Variants in NCAPD3 observed in about 807,000 individuals in gnomAD.
The protein encoded by NCAPD3 is condensin-2 complex subunit D3.
In NCAPD3, 105 loss-of-function variants were observed where a neutral mutation model predicts 182.9. The observed-to-expected ratio is 0.57, with a 90% CI of 0.49 to 0.68. The LOEUF (loss-of-function observed/expected upper bound fraction) is 0.68, where lower values mean the gene tolerates loss of function less well. NCAPD3 is among the 30% of genes least tolerant of loss of function. The pLI, the probability that NCAPD3 is intolerant of heterozygous loss-of-function variation, is 0.00. For missense variants in NCAPD3, 1,944 were observed against 1,837.0 expected (o/e 1.06, Z -1.07); for synonymous variants, 815 against 679.9 (o/e 1.20, Z -3.09).
chr11:134,181,751 C>A (rs1475193267), intron 19 of NCAPD3, among the ~76,000 whole-genome samples: 1 of 152,210 alleles, frequency 6.6e-6, no homozygotes, highest in Non-Finnish European at 1.5e-5. Flanking sequence ...TTCTAGAATT[C>A]TTGGACCTCA....
intron 27 of NCAPD3, among the ~76,000 whole-genome samples, chr11:134,164,842 C>G (rs924487072): frequency 2.7e-5 from 4 of 148,590 alleles, no homozygotes. Flanking sequence ...GAGCTGAACA[C>G]TCACGTGTGA....
At chr11:134,223,802 T>A (rs927684655) in intron 1 of NCAPD3, 61 bp downstream of exon 1, 30 of 1,367,612 alleles carry the variant, frequency 2.2e-5, no homozygotes, top group Non-Finnish European at 2.8e-5. Flanking sequence ...GGCTTAGGCA[T>A]CGTCGGGGAC....
chr11:134,189,963 T>G (rs1196882357), intron 16 of NCAPD3, among the ~76,000 whole-genome samples: 1 of 152,244 alleles, frequency 6.6e-6, no homozygotes, highest in Non-Finnish European at 1.5e-5. Flanking sequence ...AGTTGGATTT[T>G]GGTTTTTATA....
At chr11:134,165,588 C>T (rs1361613603) in intron 27 of NCAPD3, among the ~76,000 whole-genome samples, 1 of 145,754 alleles carries the variant, frequency 6.9e-6, no homozygotes, top group Non-Finnish European at 1.5e-5. Context: ...GAGGGGCACA[C>T]TAGTGAGATG....
intron 32 of NCAPD3, 77 bp from the exon 33 acceptor site, chr11:134,153,440 G>C (rs1943321273): frequency 7.0e-7 from 1 of 1,425,844 alleles, no homozygotes; most frequent in African/African-American, 1.4e-5. Context: ...TCCGTGGGAC[G>C]TAGGCAGGGT....
At chr11:134,176,485 A>C in intron 23 of NCAPD3, 99 bp from the exon 24 acceptor site, 1 of 955,626 alleles carries the variant, frequency 1.0e-6, no homozygotes, top group Non-Finnish European at 1.7e-6. Context: ...TGTCCCCGGC[A>C]CACTGGCTGA....
At chr11:134,202,429 G>A (rs1287501685) in intron 13 of NCAPD3, among the ~76,000 whole-genome samples, 1 of 152,162 alleles carries the variant, frequency 6.6e-6, no homozygotes, top group African/African-American at 2.4e-5. Context: ...CCAGGCTGGA[G>A]TACAGTGGTA....
chr11:134,178,970 G>C, intron 20 of NCAPD3, 34 bp from the exon 21 acceptor site: 1 of 1,477,392 alleles, frequency 6.8e-7, no homozygotes, highest in South Asian at 1.2e-5. Context: ...GTAAAAATAA[G>C]GCAAAAGAAA....
chr11:134,167,388 T>C (rs1329101285), intron 27 of NCAPD3, among the ~76,000 whole-genome samples: 11 of 76,118 alleles, frequency 1.4e-4, no homozygotes, highest in Admixed American at 7.0e-4. Context: ...GAGAGGAGCT[T>C]AGGGGAGCTG....
At chr11:134,213,238 G>A (rs1463585188) in intron 3 of NCAPD3, among the ~76,000 whole-genome samples, 2 of 152,180 alleles carry the variant, frequency 1.3e-5, no homozygotes, top group Non-Finnish European at 2.9e-5. Flanking sequence ...CTATTCTGGA[G>A]GCTGAGGAGC....
At chr11:134,194,870 A>C (rs1002299758) in intron 13 of NCAPD3, 132 bp from the exon 14 acceptor site, 5 of 537,064 alleles carry the variant, frequency 9.3e-6, no homozygotes, top group Non-Finnish European at 1.6e-5. Flanking sequence ...CTAAGAAATG[A>C]GAGTGTGGAA....
chr11:134,186,345 T>C (rs1944404620), intron 16 of NCAPD3, among the ~76,000 whole-genome samples: 1 of 152,086 alleles, frequency 6.6e-6, no homozygotes, highest in Non-Finnish European at 1.5e-5. Flanking sequence ...ACTACAGGCA[T>C]GGTCACCATA....
At chr11:134,184,810 TACACACACACACACACACAC>T (rs60568256) in intron 18 of NCAPD3, 58 bp from the exon 19 acceptor site, 12 of 1,009,916 alleles carry the variant, frequency 1.2e-5, no homozygotes, top group East Asian at 9.7e-5. Flanking sequence ...CAGGTATATA[TACACACACACACACACACAC>T]ACACACACAC....
rs1251666608 is a variant in NCAPD3 at position 134,159,857 on chromosome 11, C to T, written c.3867+35G>A. The T allele has an allele frequency of 2.5e-6, 4 of 1,591,704 alleles. No homozygotes were observed. The African/African-American group carries it at 5.4e-5, about 21-fold the overall frequency. On this transcript the variant is annotated intron_variant, in intron 29 of 34. Coordinates refer to ENST00000534548, the MANE Select transcript of NCAPD3 (RefSeq NM_015261.3). ...GACTGGTAGCAGACAGCAGACTGGACTGTCTGGTCACAGTGCAGTGGGCCC... is the reference window on the plus strand; with the variant it reads ...GACTGGTAGCAGACAGCAGACTGGATTGTCTGGTCACAGTGCAGTGGGCCC...
chr11:134,155,794 G>A (rs550493632), intron 32 of NCAPD3, among the ~76,000 whole-genome samples: 4 of 150,390 alleles, frequency 2.7e-5, no homozygotes, highest in Non-Finnish European at 4.4e-5. Context: ...ACCTGTCCAC[G>A]ACGCAGGATC....
At chr11:134,197,521 T>A (rs1341249298) in intron 13 of NCAPD3, among the ~76,000 whole-genome samples, 2 of 152,032 alleles carry the variant, frequency 1.3e-5, no homozygotes, top group Non-Finnish European at 2.9e-5. Context: ...AAGTAATCCA[T>A]CCGCCTTGGC....
chr11:134,209,085 C>T, intron 6 of NCAPD3, 60 bp downstream of exon 6: 3 of 1,553,572 alleles, frequency 1.9e-6, no homozygotes, highest in Non-Finnish European at 2.6e-6. Flanking sequence ...TCCATTTCTG[C>T]TGGAGCAAAA....
At chr11:134,157,155 C>A in intron 31 of NCAPD3, 60 bp from the exon 32 acceptor site, 2 of 1,358,570 alleles carry the variant, frequency 1.5e-6, no homozygotes, top group Non-Finnish European at 2.1e-6. Context: ...AAGAGCAAAA[C>A]AACCACATGA....
intron 4 of NCAPD3, 152 bp downstream of exon 4, chr11:134,210,118 G>T: frequency 1.7e-6 from 1 of 575,410 alleles, no homozygotes; most frequent in South Asian, 3.3e-5. Context: ...ATATGAAGCC[G>T]AAGACACAAA....
Sources: gnomAD v4.1 joint callset for allele counts (sites outside exome capture counted in the v4.1 genomes callset) on GRCh38, gnomAD v4.1.1 for gene constraint, MANE v1.5 for transcripts, NCBI Gene and HGNC (gene_info 2026-07-23, HGNC 2026-07-21) for gene names.